The following ATG4C variants were observed in gnomAD, a reference collection of about 807,000 sequenced individuals.
ATG4C encodes the protein cysteine protease ATG4C.
ATG4C carries 56 observed loss-of-function variants against 57.6 expected under a neutral mutation model. That is an observed-to-expected ratio of 0.97 (90% CI 0.78 to 1.21). The LOEUF is 1.21. Among genes scored for constraint, ATG4C ranks in the 50% most tolerant of loss-of-function variants. ATG4C has a pLI of 0.00. For synonymous variants in ATG4C, 157 were observed against 174.1 expected, an observed-to-expected ratio of 0.90 and a Z score of 0.78; for missense variants, 595 against 529.8, an observed-to-expected ratio of 1.12 and a Z score of -1.21.
rs763719273 is a variant in ATG4C at position 62,864,169 on chromosome 1, C to T, written c.*10C>T. 8.2e-6 allele frequency: 13 copies of T among 1,582,770 alleles called. No homozygotes were observed. Among genetic ancestry groups the T allele is most frequent in the Non-Finnish European group, 1.1e-5 (13 of 1,170,894 alleles). On this transcript the variant is annotated 3_prime_UTR_variant, in exon 11 of 11. Coordinates refer to ENST00000317868, the MANE Select transcript of ATG4C (RefSeq NM_032852.4). ...GTTTGTCTTGCTTTAAAGATTAGCACATTTGTGCTTGATAAGAAGAATTCC... is the reference window on the plus strand; with the variant it reads ...GTTTGTCTTGCTTTAAAGATTAGCATATTTGTGCTTGATAAGAAGAATTCC...
intron 6 of ATG4C, among the ~76,000 whole-genome samples, chr1:62,824,068 A>G (rs1398598314): frequency 6.6e-6 from 1 of 152,134 alleles, no homozygotes; most frequent in Non-Finnish European, 1.5e-5. Flanking sequence ...TATCAGAATC[A>G]TTTGGTTGAG....
intron 10 of ATG4C, among the ~76,000 whole-genome samples, chr1:62,855,460 C>T (rs932008542): frequency 7.9e-5 from 12 of 151,928 alleles, no homozygotes; most frequent in African/African-American, 2.7e-4. Flanking sequence ...TACCTAGTAG[C>T]GCTGGTGTTT....
intron 4 of ATG4C, 49 bp downstream of exon 4, chr1:62,816,857 T>C (rs1019069204): frequency 7.4e-7 from 1 of 1,359,758 alleles, no homozygotes; most frequent in Admixed American, 2.9e-5. Flanking sequence ...TTTTTTGTCG[T>C]CGATATTTTT....
intron 1 of ATG4C, among the ~76,000 whole-genome samples, chr1:62,787,416 G>T (rs1664128191): frequency 6.6e-6 from 1 of 152,116 alleles, no homozygotes; most frequent in African/African-American, 2.4e-5. Flanking sequence ...TTGAGATTTG[G>T]TAGTAAACTG....
chr1:62,803,166 T>C (rs1416611572), intron 1 of ATG4C, among the ~76,000 whole-genome samples: 1 of 152,200 alleles, frequency 6.6e-6, no homozygotes, highest in Non-Finnish European at 1.5e-5. Context: ...CCGTTCTGTT[T>C]GTTTAAGTGC....
chr1:62,844,398 AAAG>A (rs1307128495), intron 10 of ATG4C, among the ~76,000 whole-genome samples: 1 of 152,194 alleles, frequency 6.6e-6, no homozygotes, highest in African/African-American at 2.4e-5. Context: ...AAAATGATGA[AAAG>A]AAAAATATTC....
Position 62,803,779 on chromosome 1 carries a change from AT to A in ATG4C, c.-5del. On this transcript the variant is annotated 5_prime_UTR_variant, in exon 2 of 11. An upstream open reading frame in the 5' UTR loses its in-frame stop. Transcript: ENST00000317868. ...ATCAAGTGATGGCTTTTCCTTTAGA[AT>A]TTGAATATGGAGGCTACAGGAACAG... 6.3e-7 allele frequency: 1 copy of A among 1,590,748 alleles called. No homozygotes were observed. Among genetic ancestry groups the A allele is most frequent in the Non-Finnish European group, 8.6e-7 (1 of 1,166,966 alleles).
intron 1 of ATG4C, among the ~76,000 whole-genome samples, chr1:62,794,912 A>G (rs1238820131): frequency 6.6e-6 from 1 of 152,220 alleles, no homozygotes; most frequent in African/African-American, 2.4e-5. Flanking sequence ...CAGATAAGGG[A>G]TTGATATTTC....
intron 3 of ATG4C, among the ~76,000 whole-genome samples, chr1:62,807,228 G>C (rs987607583): frequency 6.6e-6 from 1 of 152,086 alleles, no homozygotes; most frequent in African/African-American, 2.4e-5. Context: ...ATAATATCCT[G>C]AGCGGTAGGG....
At chr1:62,854,011 C>T (rs1178846982) in intron 10 of ATG4C, among the ~76,000 whole-genome samples, 1 of 151,876 alleles carries the variant, frequency 6.6e-6, no homozygotes, top group Non-Finnish European at 1.5e-5. Context: ...CTCTGCTTTA[C>T]CTTCTACCTA....
intron 10 of ATG4C, among the ~76,000 whole-genome samples, chr1:62,848,236 A>G (rs1235131849): frequency 1.3e-5 from 2 of 152,108 alleles, no homozygotes; most frequent in East Asian, 3.9e-4. Context: ...TTGAATTACA[A>G]CTTTAAATGT....
At chr1:62,859,002 C>T (rs1396079525) in intron 10 of ATG4C, among the ~76,000 whole-genome samples, 1 of 152,136 alleles carries the variant, frequency 6.6e-6, no homozygotes, top group African/African-American at 2.4e-5. Context: ...TAGGTGATTT[C>T]ATTGTTGTGC....
At chr1:62,841,167 C>A (rs1666154572) in intron 9 of ATG4C, among the ~76,000 whole-genome samples, 1 of 152,124 alleles carries the variant, frequency 6.6e-6, no homozygotes, top group African/African-American at 2.4e-5. Flanking sequence ...CCACTTTTGA[C>A]ACACTTCCTT....
intron 6 of ATG4C, among the ~76,000 whole-genome samples, chr1:62,825,658 C>T (rs1665626290): frequency 1.3e-5 from 2 of 152,098 alleles, no homozygotes; most frequent in African/African-American, 4.8e-5. Flanking sequence ...CATTCTAGTC[C>T]TCTCTCTAAA....
At chr1:62,857,142 G>A (rs1394343563) in intron 10 of ATG4C, among the ~76,000 whole-genome samples, 4 of 152,038 alleles carry the variant, frequency 2.6e-5, no homozygotes, top group Admixed American at 6.6e-5. Context: ...CCATGGACTC[G>A]TACCAGTCTG....
intron 3 of ATG4C, among the ~76,000 whole-genome samples, chr1:62,813,705 C>T (rs563553216): frequency 2.0e-5 from 3 of 152,152 alleles, no homozygotes; most frequent in East Asian, 3.9e-4. Context: ...CTCCATCTGA[C>T]AAAGGACTAA....
chr1:62,806,696 G>A (rs763892962), intron 3 of ATG4C, among the ~76,000 whole-genome samples: 38 of 152,130 alleles, frequency 2.5e-4, no homozygotes, highest in Non-Finnish European at 4.4e-4. Context: ...AAAGGCAGCC[G>A]GAGGCTGTAT....
chr1:62,849,055 A>G (rs1029920264), intron 10 of ATG4C, among the ~76,000 whole-genome samples: 1 of 152,006 alleles, frequency 6.6e-6, no homozygotes, highest in African/African-American at 2.4e-5. Context: ...AAGTGATGCT[A>G]TGTTTTTCTG....
rs373570112 is a variant in ATG4C, at chr1:62,829,087, G to A, written c.844G>A (p.Asp282Asn). ...IDKQSASMTS[D>N]NADDKAVIIL... ...TAAACAGAGTGCTTCCATGACTTCT[G>A]ATAATGCAGATGACAAAGCTGTTAT... The change falls in exon 7 of 11, where the codon GAT becomes AAT. Residue 282 changes from aspartate (D) to asparagine (N), a missense_variant. By Grantham distance (23) the Asp-to-Asn change is conservative. Coordinates refer to ENST00000317868, the MANE Select transcript of ATG4C (RefSeq NM_032852.4). The A allele has an allele frequency of 4.1e-5, 66 of 1,612,802 alleles. No individual in the cohort carries two copies. The highest frequency in any genetic ancestry group is 5.5e-5 in the Non-Finnish European group (65 of 1,179,228).
Sources: allele counts gnomAD v4.1 joint callset (sites outside exome capture counted in the v4.1 genomes callset), GRCh38; gene constraint gnomAD v4.1.1; transcripts MANE v1.5; gene names NCBI Gene and HGNC (gene_info 2026-07-23, HGNC 2026-07-21).